ERG: variants seen among roughly 807,000 people sequenced by gnomAD.
ERG encodes the protein transcriptional regulator ERG.
In ERG, 9 loss-of-function variants were observed where a neutral mutation model predicts 55.3. That is an observed-to-expected ratio of 0.16 (90% CI 0.10 to 0.28). The LOEUF is 0.28. Among genes scored for constraint, ERG ranks in the 10% least tolerant of loss-of-function variants. The probability of loss-of-function intolerance (pLI) is 1.00; values close to 1 mark genes in which losing one functional copy is unlikely to be tolerated. For synonymous variants in ERG, 223 were observed against 237.3 expected (o/e 0.94, Z 0.55); for missense variants, 434 against 631.6 (o/e 0.69, Z 3.35).
At chr21:38,407,063 T>C (rs117430831) in intron 3 of ERG, among the ~76,000 whole-genome samples, 74 of 152,318 alleles carry the variant, frequency 4.9e-4, no homozygotes, top group Admixed American at 1.4e-3. Context: ...AACACAATAA[T>C]ACAACAATAC....
intron 2 of ERG, among the ~76,000 whole-genome samples, chr21:38,429,696 C>T: frequency 7.4e-6 from 1 of 135,350 alleles, no homozygotes; most frequent in African/African-American, 2.7e-5. Flanking sequence ...TGTGTGTATA[C>T]ATGTATATGT....
intron 1 of ERG, among the ~76,000 whole-genome samples, chr21:38,446,571 C>G (rs571618443): frequency 6.6e-6 from 1 of 152,108 alleles, no homozygotes; most frequent in African/African-American, 2.4e-5. Flanking sequence ...GTTCTTATAA[C>G]AGACAAAAAG....
intron 3 of ERG, among the ~76,000 whole-genome samples, chr21:38,416,491 C>T (rs1287552367): frequency 6.6e-6 from 1 of 152,222 alleles, no homozygotes; most frequent in Non-Finnish European, 1.5e-5. Flanking sequence ...CTTGGGCAAG[C>T]TTGTGGTCAA....
At chr21:38,567,477 C>A (rs1335582286) in intron 2 of ERG, among the ~76,000 whole-genome samples, 1 of 152,118 alleles carries the variant, frequency 6.6e-6, no homozygotes, top group African/African-American at 2.4e-5. Flanking sequence ...CAGGGCTCAT[C>A]GGGATGTGCT....
Position 38,658,703 on chromosome 21 carries a change from G to A in ERG, c.-150+2955C>T, listed in dbSNP as rs371156792. On this transcript the variant is annotated intron_variant, in intron 1 of 10. Transcript: ENST00000398910. ...ATGTGAGTTACACATTCCTTCTGACGTCTTTCAGAGATGCTTTCCTTCTTA... is the reference window on the plus strand; with the variant it reads ...ATGTGAGTTACACATTCCTTCTGACATCTTTCAGAGATGCTTTCCTTCTTA... Among the ~76,000 whole-genome samples, 7 of 152,160 alleles carry A rather than the reference G, an allele frequency of 4.6e-5. No homozygotes were observed. The East Asian group carries it at 7.7e-4, about 17-fold the overall frequency.
At chr21:38,431,792 A>G (rs1485104889) in intron 2 of ERG, among the ~76,000 whole-genome samples, 1 of 152,220 alleles carries the variant, frequency 6.6e-6, no homozygotes, top group African/African-American at 2.4e-5. Flanking sequence ...TATGCAGTAA[A>G]CAATATCGTT....
chr21:38,605,035 GTCC>G (rs377114599), intron 1 of ERG, among the ~76,000 whole-genome samples: 94 of 152,230 alleles, frequency 6.2e-4, no homozygotes, highest in African/African-American at 2.1e-3. Flanking sequence ...TTCTCCATCT[GTCC>G]TCTCTTCCAG....
chr21:38,422,672 A>G (rs1989599888), intron 3 of ERG, among the ~76,000 whole-genome samples: 1 of 152,236 alleles, frequency 6.6e-6, no homozygotes, highest in South Asian at 2.1e-4. Flanking sequence ...TTGGCTAAAT[A>G]AATAAGTTCT....
intron 2 of ERG, among the ~76,000 whole-genome samples, chr21:38,541,640 A>G (rs1168981704): frequency 2.6e-5 from 4 of 152,260 alleles, no homozygotes; most frequent in Non-Finnish European, 5.9e-5. Context: ...AAAATACCTC[A>G]AATTTATTTC....
intron 1 of ERG, among the ~76,000 whole-genome samples, chr21:38,597,461 C>G (rs183093545): frequency 1.0e-5 from 1 of 98,732 alleles, no homozygotes; most frequent in Admixed American, 1.1e-4. Flanking sequence ...AGAGAGATAT[C>G]TATATATATC....
chr21:38,592,409 C>T (rs1459451331), intron 1 of ERG, among the ~76,000 whole-genome samples: 3 of 152,164 alleles, frequency 2.0e-5, no homozygotes, highest in South Asian at 2.1e-4. Flanking sequence ...CTCTCCTAGG[C>T]GCTGAGACCC....
chr21:38,456,384 A>C (rs1293375208), intron 1 of ERG, among the ~76,000 whole-genome samples: 2 of 152,208 alleles, frequency 1.3e-5, no homozygotes, highest in African/African-American at 4.8e-5. Context: ...ACTCTCTTGC[A>C]TGGGAATATG....
In ERG at chr21:38,594,697, T is replaced by C. The variant is rs574825054; in HGVS notation, c.-149-9752A>G. ...GCCTTGAATAGCAGAACCCAGATCA[T>C]GAAAAATAGGAAGAACTTATATGGA... On this transcript the variant is annotated intron_variant, in intron 1 of 10. Coordinates refer to the ERG transcript ENST00000398910. Among the ~76,000 whole-genome samples, 108 of 152,078 alleles carry C rather than the reference T, an allele frequency of 7.1e-4. 1 individual carries two copies. Among genetic ancestry groups the C allele is most frequent in the African/African-American group, 2.5e-3 (102 of 41,476 alleles).
intron 1 of ERG, among the ~76,000 whole-genome samples, chr21:38,475,686 C>G (rs955820420): frequency 6.6e-6 from 1 of 152,184 alleles, no homozygotes; most frequent in Non-Finnish European, 1.5e-5. Flanking sequence ...CCACCTGGCT[C>G]TATCATGTTC....
chr21:38,458,100 C>T (rs548743379), intron 1 of ERG, among the ~76,000 whole-genome samples: 2 of 152,274 alleles, frequency 1.3e-5, no homozygotes, highest in East Asian at 3.9e-4. Context: ...GAAAACCAGC[C>T]GACTGGAGCA....
downstream of ERG, among the ~76,000 whole-genome samples, chr21:38,377,596 G>T (rs920378003): frequency 6.6e-6 from 1 of 152,202 alleles, no homozygotes; most frequent in Admixed American, 6.5e-5. Flanking sequence ...TTAACATCTT[G>T]ATACATCCTG....
chr21:38,469,170 C>T (rs554777306), intron 1 of ERG, among the ~76,000 whole-genome samples: 1 of 152,012 alleles, frequency 6.6e-6, no homozygotes, highest in South Asian at 2.1e-4. Flanking sequence ...TCAGAGAATC[C>T]AAGCAACTTA....
At chr21:38,642,904 G>A (rs2060433872) in intron 1 of ERG, among the ~76,000 whole-genome samples, 1 of 152,164 alleles carries the variant, frequency 6.6e-6, no homozygotes, top group Non-Finnish European at 1.5e-5. Context: ...TACAGATGAT[G>A]GAGTATGAAA....
At chr21:38,462,413 G>C (rs1432641666) in intron 1 of ERG, among the ~76,000 whole-genome samples, 1 of 152,096 alleles carries the variant, frequency 6.6e-6, no homozygotes, top group African/African-American at 2.4e-5. Flanking sequence ...AGAACGTAAA[G>C]GGGTCCTGAG....
Sources: allele counts gnomAD v4.1 joint callset (sites outside exome capture counted in the v4.1 genomes callset), GRCh38; gene constraint gnomAD v4.1.1; transcripts MANE v1.5; gene names NCBI Gene and HGNC (gene_info 2026-07-23, HGNC 2026-07-21).